SETBP1: variants seen among roughly 807,000 people sequenced by gnomAD.
SETBP1 encodes the protein SET-binding protein.
Under a neutral mutation model 101.0 loss-of-function variants are expected in SETBP1, and 9 were observed. That is an observed-to-expected ratio of 0.09 (90% CI 0.05 to 0.16). The LOEUF (loss-of-function observed/expected upper bound fraction) is 0.16. SETBP1 is among the 10% of genes least tolerant of loss of function. The pLI is 1.00. For missense variants in SETBP1, 1,858 were observed against 2,033.8 expected (o/e 0.91, Z 1.66); for synonymous variants, 818 against 788.5 (o/e 1.04, Z -0.63).
At chr18:44,786,309 A>G (rs2071237894) in intron 2 of SETBP1, among the ~76,000 whole-genome samples, 1 of 152,190 alleles carries the variant, frequency 6.6e-6, no homozygotes, top group African/African-American at 2.4e-5. Context: ...AGACACACAC[A>G]CCCCAGGCTT....
chr18:44,951,218 A>G lies in SETBP1; in HGVS notation c.1878A>G (p.Arg626=), dbSNP rs1471890332. The change falls in exon 4 of 6, where the codon CGA becomes CGG. Residue 626 remains arginine (R), a synonymous_variant. Transcript: ENST00000649279. This position sits in a 1 kb window ranked among gnomAD's most constrained non-coding sequence, Gnocchi z 7.8. ...EFPGTKKRKR[R]RNLAKLAQLV... ...CTGGCACTAAGAAAAGAAAGCGACG[A>G]CGCAATTTAGCGAAGTTGGCCCAGC... is the stretch of plus-strand genomic sequence containing the variant. 2 of 1,614,004 alleles carry G rather than the reference A, an allele frequency of 1.2e-6. No individual in the cohort carries two copies. Among genetic ancestry groups the G allele is most frequent in the Non-Finnish European group, 1.7e-6 (2 of 1,180,044 alleles).
rs1174187867 is a variant in SETBP1, at chr18:44,773,850, G to GTGTGTGTGTGTGTGTT, written c.486+72033_486+72034insTTGTGTGTGTGTGTGT. ...TCTCTCTCTGTTTATGTGTGTGTGT[G>GTGTGTGTGTGTGTGTT]TGTGTGTGTGTGTGTGTGTGTCTTT... On this transcript the variant is annotated intron_variant, in intron 2 of 5. Transcript: ENST00000649279. Among the ~76,000 whole-genome samples, 59 of 151,204 alleles carry GTGTGTGTGTGTGTGTT rather than the reference G, an allele frequency of 3.9e-4. No individual in the cohort carries two copies. In the Middle Eastern group the frequency reaches 0.01, roughly 26 times the overall value.
At chr18:44,916,327 C>T (rs192664623) in intron 3 of SETBP1, among the ~76,000 whole-genome samples, 5 of 152,252 alleles carry the variant, frequency 3.3e-5, no homozygotes, top group South Asian at 2.1e-4. Context: ...TTCTGATTTC[C>T]GATTTTCAGG....
intron 4 of SETBP1, among the ~76,000 whole-genome samples, chr18:44,979,676 C>A (rs1213419605): frequency 1.3e-5 from 2 of 152,146 alleles, no homozygotes; most frequent in African/African-American, 4.8e-5. Context: ...AAGTGCTAAC[C>A]AATGGTCCAC....
intron 3 of SETBP1, among the ~76,000 whole-genome samples, chr18:44,941,293 G>A (rs2071084421): frequency 6.6e-6 from 1 of 151,810 alleles, no homozygotes; most frequent in African/African-American, 2.4e-5. Flanking sequence ...ACCATGTTGG[G>A]CCAGGCTGGT....
Position 44,950,191 on chromosome 18 carries a change from T to G in SETBP1, c.851T>G (p.Leu284Arg). 1 of 1,613,922 alleles carries G rather than the reference T, an allele frequency of 6.2e-7. No homozygotes were observed. Among genetic ancestry groups the G allele is most frequent in the East Asian group, 2.2e-5 (1 of 44,876 alleles). Residue 284 changes from leucine to arginine, a missense_variant, in exon 4 of 6, where the codon CTG becomes CGG. Leu to Arg is a moderately radical substitution (Grantham distance 102). Coordinates refer to ENST00000649279, the MANE Select transcript of SETBP1 (RefSeq NM_015559.3). ...CAGTTGTCTAACAATAACAAAGATC[T>G]GCTCTTGGGAGGTGTGGCTCCATCC... ...WSQLSNNNKD[L>R]LLGGVAPSPS...
At chr18:44,710,336 C>T (rs898594197) in intron 2 of SETBP1, among the ~76,000 whole-genome samples, 1 of 151,924 alleles carries the variant, frequency 6.6e-6, no homozygotes, top group South Asian at 2.1e-4. Flanking sequence ...TAAGGATAGT[C>T]AAGGTGGAGA....
chr18:44,791,206 G>A (rs1039363477), intron 2 of SETBP1, among the ~76,000 whole-genome samples: 9 of 152,120 alleles, frequency 5.9e-5, no homozygotes, highest in Non-Finnish European at 8.8e-5. Context: ...GATCGGAGGC[G>A]CTCTTGTATC....
rs750248868 is a variant in SETBP1, at chr18:44,952,300, G to A, written c.2960G>A (p.Arg987Gln). 2.0e-5 allele frequency: 32 copies of A among 1,613,834 alleles called. No individual in the cohort carries two copies. The highest frequency in any genetic ancestry group is 2.5e-5 in the Non-Finnish European group (30 of 1,179,996). The change falls in exon 4 of 6, where the codon CGG becomes CAG. Residue 987 changes from arginine to glutamine, a missense_variant. Arg to Gln is a conservative substitution (Grantham distance 43). Coordinates refer to ENST00000649279, the MANE Select transcript of SETBP1 (RefSeq NM_015559.3). ...YHENPYPSIF[R>Q]INFDHYYPVP... ...GAGAATCCATATCCCAGCATTTTTCGGATTAATTTTGATCACTATTACCCG... is the reference window on the plus strand; with the variant it reads ...GAGAATCCATATCCCAGCATTTTTCAGATTAATTTTGATCACTATTACCCG...
At position 44,867,945 on chromosome 18, in the gene SETBP1, T is replaced by A. The variant is rs564507292; in HGVS notation, c.487-1285T>A. On this transcript the variant is annotated intron_variant, in intron 2 of 5. Transcript: ENST00000649279. The stretch of plus-strand genomic sequence containing the variant: ...AAACATTGTTACAGCAAACATGAAG[T>A]CTTTCCTATTTTTCACAAATGCTCT... 3.9e-5 allele frequency among the ~76,000 whole-genome samples: 6 copies of A among 152,346 alleles called. No individual in the cohort carries two copies. The South Asian group carries it at 1.0e-3, about 26-fold the overall frequency.
chr18:44,794,983 A>G (rs2071445595), intron 2 of SETBP1, among the ~76,000 whole-genome samples: 1 of 152,166 alleles, frequency 6.6e-6, no homozygotes, highest in East Asian at 1.9e-4. Context: ...CCAGATTTGA[A>G]AATGTGGCAG....
intron 2 of SETBP1, among the ~76,000 whole-genome samples, chr18:44,853,204 A>G (rs1387729802): frequency 6.6e-6 from 1 of 152,198 alleles, no homozygotes; most frequent in East Asian, 1.9e-4. Context: ...GGCCACTTAC[A>G]ACTTGCCCAT....
chr18:44,929,084 A>G (rs1007374820), intron 3 of SETBP1, among the ~76,000 whole-genome samples: 1 of 152,150 alleles, frequency 6.6e-6, no homozygotes, highest in Non-Finnish European at 1.5e-5. Context: ...TAAGTCTTTA[A>G]TCCATCCGTC....
intron 2 of SETBP1, among the ~76,000 whole-genome samples, chr18:44,723,982 A>G (rs1391659276): frequency 6.6e-6 from 1 of 152,214 alleles, no homozygotes; most frequent in African/African-American, 2.4e-5. Context: ...AAGAGACAGA[A>G]CTATTAATTA....
chr18:44,775,987 C>T (rs528707476), intron 2 of SETBP1, among the ~76,000 whole-genome samples: 10 of 152,304 alleles, frequency 6.6e-5, no homozygotes, highest in Non-Finnish European at 1.5e-5. Flanking sequence ...CTTAATTGCC[C>T]TTCAATGTTC....
At chr18:44,774,080 A>G (rs1367397624) in intron 2 of SETBP1, among the ~76,000 whole-genome samples, 1 of 152,210 alleles carries the variant, frequency 6.6e-6, no homozygotes, top group African/African-American at 2.4e-5. Flanking sequence ...TGTGAGAAAG[A>G]GGAAGGGAGG....
Position 44,869,204 on chromosome 18 carries a change from G to C in SETBP1, c.487-26G>C. On this transcript the variant is annotated intron_variant, in intron 2 of 5. Coordinates refer to ENST00000649279, the MANE Select transcript of SETBP1 (RefSeq NM_015559.3). The stretch of plus-strand genomic sequence containing the variant: ...TGTATGCAAACTGAAAAGTGTCACT[G>C]AGAAAATTTCTTTATTCTTTTGCAG... The C allele has an allele frequency of 3.7e-6, 6 of 1,612,596 alleles. No homozygotes were observed. In the Middle Eastern group the frequency reaches 9.9e-4, roughly 266 times the overall value.
At chr18:44,934,449 T>C (rs573380366) in intron 3 of SETBP1, among the ~76,000 whole-genome samples, 1 of 152,298 alleles carries the variant, frequency 6.6e-6, no homozygotes, top group African/African-American at 2.4e-5. Context: ...GTGCCCAGCC[T>C]GTTTTCTCCA....
chr18:44,789,523 G>A (rs2071324962), intron 2 of SETBP1, among the ~76,000 whole-genome samples: 1 of 152,170 alleles, frequency 6.6e-6, no homozygotes, highest in Non-Finnish European at 1.5e-5. Flanking sequence ...GTATGTGGAA[G>A]ATCACTCAGC....
Sources: gnomAD v4.1 joint callset for allele counts (sites outside exome capture counted in the v4.1 genomes callset) on GRCh38, gnomAD v4.1.1 for gene constraint, Gnocchi (gnomAD v3.1) non-coding constraint, MANE v1.5 for transcripts, NCBI Gene and HGNC (gene_info 2026-07-23, HGNC 2026-07-21) for gene names.